PTPRR: variants seen among roughly 807,000 people sequenced by gnomAD.
PTPRR encodes protein tyrosine phosphatase receptor type R.
PTPRR carries 38 observed loss-of-function variants against 77.2 expected under a neutral mutation model. The observed-to-expected ratio is 0.49, with a 90% CI of 0.38 to 0.65. The LOEUF is 0.65. Ranked by LOEUF, PTPRR falls within the 30% of genes least tolerant of loss-of-function variation. The pLI is 0.00. For missense variants in PTPRR, 744 were observed against 799.2 expected (o/e 0.93, Z 0.83); for synonymous variants, 299 against 283.1 (o/e 1.06, Z -0.57).
intron 4 of PTPRR, 190 bp from the exon 5 acceptor site, chr12:70,754,491 A>G (rs1890507503): frequency 2.6e-6 from 4 of 1,559,232 alleles, no homozygotes; most frequent in South Asian, 2.4e-5. Context: ...TATCGAGATT[A>G]TTTAGTCTCC....
At chr12:70,818,734 C>A (rs1489504019) in intron 2 of PTPRR, among the ~76,000 whole-genome samples, 1 of 151,486 alleles carries the variant, frequency 6.6e-6, no homozygotes, top group Non-Finnish European at 1.5e-5. Flanking sequence ...AACAGATATT[C>A]AATCAATTTT....
At chr12:70,710,030 T>G (rs1349839872) in intron 6 of PTPRR, among the ~76,000 whole-genome samples, 2 of 152,108 alleles carry the variant, frequency 1.3e-5, no homozygotes, top group Admixed American at 1.3e-4. Context: ...AGAAAGACTA[T>G]TCACAGAACT....
intron 3 of PTPRR, among the ~76,000 whole-genome samples, chr12:70,762,863 C>G (rs1324679536): frequency 6.6e-6 from 1 of 152,132 alleles, no homozygotes; most frequent in African/African-American, 2.4e-5. Flanking sequence ...GTAACTCTAG[C>G]TATTATAATA....
chr12:70,889,165 G>A (rs920020309), intron 2 of PTPRR, among the ~76,000 whole-genome samples: 1 of 152,068 alleles, frequency 6.6e-6, no homozygotes, highest in Non-Finnish European at 1.5e-5. Context: ...GAATTCTGTT[G>A]ATATGTACAT....
At chr12:70,914,510 C>T (rs760501653) in intron 1 of PTPRR, among the ~76,000 whole-genome samples, 1 of 151,962 alleles carries the variant, frequency 6.6e-6, no homozygotes, top group Non-Finnish European at 1.5e-5. Context: ...GAGTTTGAAA[C>T]CTTTAAGATG....
At chr12:70,914,385 C>T (rs1287430047) in intron 1 of PTPRR, among the ~76,000 whole-genome samples, 1 of 152,026 alleles carries the variant, frequency 6.6e-6, no homozygotes, top group African/African-American at 2.4e-5. Context: ...TCACCTCCGA[C>T]ATTATTATAA....
chr12:70,700,813 A>G (rs535781293), intron 7 of PTPRR, among the ~76,000 whole-genome samples: 3 of 152,262 alleles, frequency 2.0e-5, no homozygotes, highest in South Asian at 2.1e-4. Context: ...CTTGATTTCA[A>G]TGTTCCAGTT....
At chr12:70,901,513 A>G (rs760926759) in intron 1 of PTPRR, among the ~76,000 whole-genome samples, 3 of 151,760 alleles carry the variant, frequency 2.0e-5, no homozygotes, top group Non-Finnish European at 3.0e-5. Flanking sequence ...TGGGGAAAGG[A>G]TATCCTTTGC....
chr12:70,897,315 AC>A (rs1893447300), intron 1 of PTPRR, among the ~76,000 whole-genome samples: 1 of 151,972 alleles, frequency 6.6e-6, no homozygotes, highest in South Asian at 2.1e-4. Context: ...AAGAAAAAAA[AC>A]AAACAACCCC....
At chr12:70,770,440 C>T (rs558385542) in intron 2 of PTPRR, among the ~76,000 whole-genome samples, 3 of 152,228 alleles carry the variant, frequency 2.0e-5, no homozygotes, top group African/African-American at 7.2e-5. Flanking sequence ...CAGAGAAATG[C>T]AAATCATAAC....
chr12:70,878,809 T>G (rs957302928), intron 2 of PTPRR, among the ~76,000 whole-genome samples: 2 of 152,196 alleles, frequency 1.3e-5, no homozygotes, highest in Non-Finnish European at 2.9e-5. Flanking sequence ...CACGTATGTT[T>G]ATTGCAGCAC....
chr12:70,652,101 T>C (rs1027371870), intron 13 of PTPRR, among the ~76,000 whole-genome samples: 13 of 152,146 alleles, frequency 8.5e-5, no homozygotes, highest in African/African-American at 2.2e-4. Flanking sequence ...AAATCGGAAT[T>C]TGGGGACAAG....
intron 6 of PTPRR, among the ~76,000 whole-genome samples, chr12:70,707,259 A>C (rs1888651432): frequency 6.6e-6 from 1 of 152,166 alleles, no homozygotes; most frequent in Non-Finnish European, 1.5e-5. Context: ...CAAATTTCAT[A>C]ATACCCATAT....
At chr12:70,916,258 G>C (rs764557409) in intron 1 of PTPRR, among the ~76,000 whole-genome samples, 9 of 151,890 alleles carry the variant, frequency 5.9e-5, no homozygotes, top group Non-Finnish European at 8.8e-5. Context: ...CCTGGAGAAA[G>C]AAAAAAGCAA....
chr12:70,886,227 A>G (rs1250096955), intron 2 of PTPRR, among the ~76,000 whole-genome samples: 1 of 152,216 alleles, frequency 6.6e-6, no homozygotes, highest in Non-Finnish European at 1.5e-5. Context: ...CAAGAACGGA[A>G]TTTCTACTTC....
chr12:70,823,121 A>ACG lies in PTPRR; in HGVS notation c.358-58344_358-58343insCG, dbSNP rs1418863435. ...GTCTCTCTCTCTGACACACACACAC[A>ACG]CACACACACACACACACACACACAC... On this transcript the variant is annotated intron_variant, in intron 2 of 13. Transcript: ENST00000283228. Among the ~76,000 whole-genome samples, 591 of 130,584 alleles carry ACG rather than the reference A, an allele frequency of 4.5e-3. 7 individuals carry two copies. The highest frequency in any genetic ancestry group is 0.015 in the African/African-American group (573 of 38,204). 85.7% of individuals were successfully genotyped at this position (130,584 alleles called of 152,430 possible). A position where few individuals can be genotyped will look rare whatever the true frequency, so the allele number is the denominator to read the frequency against.
intron 8 of PTPRR, among the ~76,000 whole-genome samples, chr12:70,690,817 C>T (rs749883084): frequency 5.9e-5 from 9 of 152,118 alleles, no homozygotes; most frequent in South Asian, 2.1e-4. Context: ...TAAAGTGTTA[C>T]GGAAAATGTG....
rs538615423 is a variant in PTPRR at position 70,765,595 on chromosome 12, C to G, written c.358-817G>C. Among the ~76,000 whole-genome samples, 1,201 of 152,312 alleles carry G rather than the reference C, an allele frequency of 7.9e-3. 15 individuals are homozygous for G. Among genetic ancestry groups the G allele is most frequent in the African/African-American group, 0.027 (1,126 of 41,570 alleles). ...CCTCTGGGGGCAGGGCACAGACAAA[C>G]AAAAAGACAGCAGTAACCTCTGCAG... On this transcript the variant is annotated intron_variant, in intron 2 of 13. Transcript: ENST00000283228.
chr12:70,707,301 A>G (rs190939888), intron 6 of PTPRR, among the ~76,000 whole-genome samples: 1 of 152,194 alleles, frequency 6.6e-6, no homozygotes, highest in Admixed American at 6.6e-5. Flanking sequence ...TTTTTTGTGT[A>G]TGTCCTTCAA....
Sources: gnomAD v4.1 joint callset for allele counts (sites outside exome capture counted in the v4.1 genomes callset) on GRCh38, gnomAD v4.1.1 for gene constraint, MANE v1.5 for transcripts, NCBI Gene and HGNC (gene_info 2026-07-23, HGNC 2026-07-21) for gene names.